Variants in PRKN observed in about 807,000 individuals in gnomAD.
PRKN encodes parkin RBR E3 ubiquitin protein ligase.
A neutral mutation model predicts 59.5 loss-of-function variants in PRKN; 56 were observed. That is an observed-to-expected ratio of 0.94 (90% CI 0.76 to 1.18). The LOEUF (loss-of-function observed/expected upper bound fraction) is 1.18. PRKN is among the 50% of genes most tolerant of loss of function. The pLI, the probability that PRKN is intolerant of heterozygous loss-of-function variation, is 0.00. For missense variants in PRKN, 657 were observed against 596.4 expected (o/e 1.10, Z -1.06); for synonymous variants, 250 against 222.1 (o/e 1.13, Z -1.12).
At chr6:161,895,328 C>A (rs1002771183) in intron 6 of PRKN, among the ~76,000 whole-genome samples, 1 of 152,136 alleles carries the variant, frequency 6.6e-6, no homozygotes, top group African/African-American at 2.4e-5. Context: ...AAAATAAATA[C>A]CCCTTCCATG....
chr6:162,197,653 C>T (rs1784549079), intron 4 of PRKN, among the ~76,000 whole-genome samples: 1 of 152,044 alleles, frequency 6.6e-6, no homozygotes, highest in Non-Finnish European at 1.5e-5. Flanking sequence ...ATTACTTAAC[C>T]TCATGGAGTC....
At chr6:161,964,890 A>G (rs892775172) in intron 6 of PRKN, among the ~76,000 whole-genome samples, 7 of 152,100 alleles carry the variant, frequency 4.6e-5, no homozygotes, top group Non-Finnish European at 1.0e-4. Context: ...TAATGTCAAA[A>G]ATCAGACTGA....
intron 2 of PRKN, among the ~76,000 whole-genome samples, chr6:162,321,737 G>C (rs1783033196): frequency 6.6e-6 from 1 of 151,960 alleles, no homozygotes; most frequent in Admixed American, 6.6e-5. Flanking sequence ...ACCATGGTAA[G>C]AGAGTGAAAA....
At chr6:162,438,358 C>A (rs181546360) in intron 2 of PRKN, among the ~76,000 whole-genome samples, 212 of 152,260 alleles carry the variant, frequency 1.4e-3, no homozygotes, top group African/African-American at 4.8e-3. Flanking sequence ...TTGTATTTAA[C>A]CATATTTTTG....
intron 7 of PRKN, among the ~76,000 whole-genome samples, chr6:161,666,489 A>C (rs576115046): frequency 6.6e-6 from 1 of 152,168 alleles, no homozygotes; most frequent in Non-Finnish European, 1.5e-5. Flanking sequence ...CCTGGTGCCA[A>C]AAAGGTTAGG....
chr6:162,559,409 C>A (rs545569672), intron 1 of PRKN, among the ~76,000 whole-genome samples: 2 of 152,142 alleles, frequency 1.3e-5, no homozygotes. Flanking sequence ...TCCCCAGCCC[C>A]TAACATCCCA....
chr6:162,308,503 G>A (rs1583352039), intron 2 of PRKN, among the ~76,000 whole-genome samples: 1 of 152,282 alleles, frequency 6.6e-6, no homozygotes, highest in South Asian at 2.1e-4. Context: ...CCGGCATGAT[G>A]AGGTCATGAA....
chr6:161,979,283 A>AT (rs1290169986), intron 5 of PRKN, among the ~76,000 whole-genome samples: 1 of 151,842 alleles, frequency 6.6e-6, no homozygotes, highest in African/African-American at 2.4e-5. Context: ...AACTTTATTT[A>AT]TTTTTTTGAG....
chr6:161,613,500 G>A (rs1312792305), intron 7 of PRKN, among the ~76,000 whole-genome samples: 4 of 152,036 alleles, frequency 2.6e-5, no homozygotes, highest in African/African-American at 9.7e-5. Flanking sequence ...TGAGAGGATC[G>A]ACTCCAATTT....
In PRKN at chr6:162,498,393, C is replaced by CTTTTT. The variant is rs60024002; in HGVS notation, c.8-54925_8-54921dup. Among the ~76,000 whole-genome samples, 102 of 21,560 alleles carry CTTTTT rather than the reference C, an allele frequency of 4.7e-3. 15 individuals are homozygous for CTTTTT. The highest frequency in any genetic ancestry group is 0.056 in the Middle Eastern group (1 of 18). 14.1% of individuals were successfully genotyped at this position (21,560 alleles called of 152,430 possible). ...CAGAATCATTTTTTTTCTTTCTTTC[C>CTTTTT]TTTTTTTTTTTTTTTTTTTTTTGAG... On this transcript the variant is annotated intron_variant, in intron 1 of 11. Coordinates refer to ENST00000366898, the MANE Select transcript of PRKN (RefSeq NM_004562.3).
Position 161,362,000 on chromosome 6 carries a change from C to T in PRKN, c.1168-1795G>A, listed in dbSNP as rs555210971. 1.9e-4 allele frequency among the ~76,000 whole-genome samples: 29 copies of T among 152,278 alleles called. No homozygotes were observed. Among genetic ancestry groups the T allele is most frequent in the East Asian group, 3.9e-4 (2 of 5,172 alleles). ...ACCGACCTGCACCCCAACGCCACCCCGGCCTCATGTTCCACGCTGTTCTTT... is the reference window on the plus strand; with the variant it reads ...ACCGACCTGCACCCCAACGCCACCCTGGCCTCATGTTCCACGCTGTTCTTT... On this transcript the variant is annotated intron_variant, in intron 10 of 11. Coordinates refer to ENST00000366898, the MANE Select transcript of PRKN (RefSeq NM_004562.3). This position sits in a 1 kb window ranked among gnomAD's most constrained non-coding sequence, Gnocchi z 5.2.
At chr6:162,486,479 T>G (rs181726293) in intron 1 of PRKN, among the ~76,000 whole-genome samples, 1 of 152,168 alleles carries the variant, frequency 6.6e-6, no homozygotes, top group Non-Finnish European at 1.5e-5. Flanking sequence ...GTTGTCTCTG[T>G]TTTTCATAAT....
chr6:162,478,734 A>G (rs916727132), intron 1 of PRKN, among the ~76,000 whole-genome samples: 1 of 152,218 alleles, frequency 6.6e-6, no homozygotes, highest in Admixed American at 6.5e-5. Flanking sequence ...TCTATGGGGC[A>G]GCCTGCTGCT....
intron 2 of PRKN, chr6:162,265,292 T>G (rs1051131768): frequency 2.0e-5 from 3 of 152,198 alleles, no homozygotes; most frequent in East Asian, 1.9e-4. Flanking sequence ...CCCCACTTCC[T>G]CCCTGCAATC....
intron 1 of PRKN, among the ~76,000 whole-genome samples, chr6:162,473,754 T>A (rs1791872218): frequency 6.6e-6 from 1 of 152,168 alleles, no homozygotes. Flanking sequence ...GCTACTATAT[T>A]GGCAGACAAT....
At chr6:162,031,531 TC>T (rs1353342385) in intron 5 of PRKN, among the ~76,000 whole-genome samples, 2 of 134,604 alleles carry the variant, frequency 1.5e-5, no homozygotes, top group Non-Finnish European at 3.0e-5. Flanking sequence ...CTTTTTCTTT[TC>T]TTTTTCTTTT....
intron 5 of PRKN, among the ~76,000 whole-genome samples, chr6:161,981,333 C>T (rs1186201169): frequency 6.6e-6 from 1 of 152,138 alleles, no homozygotes; most frequent in Non-Finnish European, 1.5e-5. Flanking sequence ...TCTTCCTATC[C>T]ATGCAGAGGT....
intron 6 of PRKN, among the ~76,000 whole-genome samples, chr6:161,897,821 T>G (rs770758343): frequency 6.7e-6 from 1 of 149,628 alleles, no homozygotes; most frequent in Non-Finnish European, 1.5e-5. Context: ...TACAAAAAGT[T>G]CCGGGCGTAG....
intron 7 of PRKN, among the ~76,000 whole-genome samples, chr6:161,754,000 C>T (rs986054293): frequency 7.9e-5 from 12 of 152,080 alleles, no homozygotes; most frequent in African/African-American, 2.4e-4. Context: ...CGATCCCAGA[C>T]GGTGCCCAGT....
Sources: allele counts gnomAD v4.1 joint callset (sites outside exome capture counted in the v4.1 genomes callset), GRCh38; gene constraint gnomAD v4.1.1; non-coding constraint Gnocchi (gnomAD v3.1); transcripts MANE v1.5; gene names NCBI Gene and HGNC (gene_info 2026-07-23, HGNC 2026-07-21).